ZSCAN18: variants seen among roughly 807,000 people sequenced by gnomAD.
The protein encoded by ZSCAN18 is zinc finger and SCAN domain-containing protein 18.
Under a neutral mutation model 31.1 loss-of-function variants are expected in ZSCAN18, and 16 were observed. That is an observed-to-expected ratio of 0.51 (90% CI 0.35 to 0.78). ZSCAN18 has a LOEUF of 0.78. Among genes scored for constraint, ZSCAN18 ranks in the 30% least tolerant of loss-of-function variants. The probability of loss-of-function intolerance (pLI) is 0.01; values close to 1 mark genes in which losing one functional copy is unlikely to be tolerated. For missense variants in ZSCAN18, 731 were observed against 697.4 expected (o/e 1.05, Z -0.54); for synonymous variants, 375 against 320.7 (o/e 1.17, Z -1.81).
intron 3 of ZSCAN18, chr19:58,088,424 C>T (rs777578500): frequency 7.5e-5 from 31 of 415,534 alleles, no homozygotes; most frequent in Admixed American, 1.8e-4. Context: ...GGTTCATGGT[C>T]GGGGGTTGGG....
At chr19:58,105,681 A>G (rs1331008171) in intron 1 of ZSCAN18, among the ~76,000 whole-genome samples, 1 of 150,578 alleles carries the variant, frequency 6.6e-6, no homozygotes, top group Non-Finnish European at 1.5e-5. Context: ...AAAATAAAAA[A>G]GAAGAATGCA....
At chr19:58,098,713 G>A (rs1207249916), upstream of ZSCAN18, among the ~76,000 whole-genome samples, 6 of 152,160 alleles carry the variant, frequency 3.9e-5, no homozygotes, top group African/African-American at 1.4e-4. Context: ...AGAAAAGAAA[G>A]AGACCAGCTC....
chr19:58,105,242 A>G (rs1306121659), intron 1 of ZSCAN18, among the ~76,000 whole-genome samples: 1 of 152,202 alleles, frequency 6.6e-6, no homozygotes, highest in Non-Finnish European at 1.5e-5. Context: ...ATGGCTGCTC[A>G]CTGACAAGAG....
chr19:58,117,883 G>A (rs905924108), intron 1 of ZSCAN18, among the ~76,000 whole-genome samples: 1 of 152,126 alleles, frequency 6.6e-6, no homozygotes, highest in Non-Finnish European at 1.5e-5. Context: ...TGCTCCACAG[G>A]GCGAAGGGAG....
chr19:58,084,909 C>T lies in ZSCAN18; in HGVS notation c.1309G>A (p.Gly437Ser), dbSNP rs878996244. The change falls in exon 7 of 7, where the codon GGC (glycine) becomes AGC (serine). Residue 437 changes from glycine to serine, a missense_variant. Coordinates refer to ENST00000601144, the MANE Select transcript of ZSCAN18 (RefSeq NM_001145543.2). The surrounding 1 kb of genome is among the most constrained non-coding windows in gnomAD (Gnocchi z 4.5). Reference protein sequence around the residue: ...HLMEHHSSHGGRKRYACQGCW... With the variant: ...HLMEHHSSHGSRKRYACQGCW... ...CCCTGACAGGCGTAGCGCTTCCGGC[C>T]GCCATGGCTGCTGTGGTGCTCCATC... is the stretch of plus-strand genomic sequence containing the variant. 6.3e-6 allele frequency: 10 copies of T among 1,594,060 alleles called. No individual in the cohort carries two copies. In the Admixed American group the frequency reaches 1.6e-4, roughly 25 times the overall value.
At chr19:58,099,084 G>A (rs544541700), upstream of ZSCAN18, among the ~76,000 whole-genome samples, 1 of 152,250 alleles carries the variant, frequency 6.6e-6, no homozygotes, top group East Asian at 1.9e-4. Context: ...CATTTTGGTC[G>A]TTTTTGTGTG....
In ZSCAN18 at chr19:58,084,279, C is replaced by T. The variant is rs1161802561; in HGVS notation, c.*406G>A. On this transcript the variant is annotated 3_prime_UTR_variant, in exon 7 of 7. Coordinates refer to ENST00000601144, the MANE Select transcript of ZSCAN18 (RefSeq NM_001145543.2). The surrounding 1 kb of genome is among the most constrained non-coding windows in gnomAD (Gnocchi z 4.5). ...AAAGGCTAAACAGCTGACAAAATTT[C>T]CACTTGAGCAACCCTGGGGAGCGCA... 2 of 172,418 alleles carry T rather than the reference C, an allele frequency of 1.2e-5. No individual in the cohort carries two copies. The highest frequency in any genetic ancestry group is 4.7e-5 in the African/African-American group (2 of 42,228). The allele number at this position is 172,418 out of a possible 1,614,324, so 10.7% of individuals were successfully genotyped here.
chr19:58,095,290 CTG>C lies in ZSCAN18; in HGVS notation c.-120+2882_-120+2883del, dbSNP rs554904433. Among the ~76,000 whole-genome samples the C allele has an allele frequency of 1.6e-4, 25 of 152,340 alleles. No individual in the cohort carries two copies. In the East Asian group the frequency reaches 4.8e-3, roughly 29 times the overall value. On this transcript the variant is annotated intron_variant, in intron 1 of 6. Coordinates refer to ENST00000601144, the MANE Select transcript of ZSCAN18 (RefSeq NM_001145543.2). ...AGAGAACCTGTCTCCACAAAACAAA[CTG>C]TGAGCTCCATAATGTGTGTGCACAG...
At chr19:58,096,497 G>A (rs1397865616) in intron 1 of ZSCAN18, among the ~76,000 whole-genome samples, 1 of 152,244 alleles carries the variant, frequency 6.6e-6, no homozygotes, top group Admixed American at 6.5e-5. Context: ...CTCCACGGTG[G>A]GTGAGGGGTG....
chr19:58,096,756 C>T (rs1417347955), intron 1 of ZSCAN18, among the ~76,000 whole-genome samples: 1 of 152,186 alleles, frequency 6.6e-6, no homozygotes, highest in Non-Finnish European at 1.5e-5. Context: ...GTTGATGGGT[C>T]GCCGGATATT....
In ZSCAN18 at chr19:58,087,389, T is replaced by C. The variant is rs778168255; in HGVS notation, c.569A>G (p.Asp190Gly). The C allele has an allele frequency of 1.3e-5, 21 of 1,600,544 alleles. No individual in the cohort carries two copies. The highest frequency in any genetic ancestry group is 1.6e-5 in the Non-Finnish European group (19 of 1,173,246). ...CCTCCTCTGTTCCAGAAACAGGGGG[T>C]CCGGAGAAAGCCAGGCTGGGGAGAA... Reference protein sequence around the residue: ...APSETPWLSPDPLFLEQRRVR... With the variant: ...APSETPWLSPGPLFLEQRRVR... Residue 190 changes from aspartate (D) to glycine (G), a missense_variant, in exon 4 of 7, where the codon GAC becomes GGC. Physicochemically the swap from Asp to Gly is moderately conservative, Grantham distance 94. Around this residue, in one of 4 missense-constraint regions of ZSCAN18, gnomAD observed 597 missense variants for 499.5 expected, o/e 1.20. Transcript: ENST00000601144.
intron 1 of ZSCAN18, among the ~76,000 whole-genome samples, chr19:58,091,296 G>A (rs970080364): frequency 3.3e-5 from 5 of 151,800 alleles, no homozygotes; most frequent in Middle Eastern, 3.4e-3. Flanking sequence ...TAGATTATAG[G>A]GATGTCAATT....
chr19:58,086,694 T>C, intron 5 of ZSCAN18: 1 of 548,748 alleles, frequency 1.8e-6, no homozygotes. Context: ...GAGGCTTCAG[T>C]CCTACAGGCA....
chr19:58,112,950 C>CAAAA (rs55721042), intron 1 of ZSCAN18, among the ~76,000 whole-genome samples: 1,031 of 69,452 alleles, frequency 0.015, 80 homozygotes, highest in African/African-American at 0.055. Flanking sequence ...GGCTCCGTTT[C>CAAAA]AAAAAAAAAA....
Position 58,090,076 on chromosome 19 carries a change from G to A in ZSCAN18, c.192C>T (p.His64=), listed in dbSNP as rs760536669. ...GCTCATGCAGCCGGGCCAGGGTCTG[G>A]TGGGGCCCGGCAGCCTCCTGGTAGA... ...EFVYQEAAGP[H]QTLARLHELC... The change falls in exon 2 of 7, where the codon CAC becomes CAT. Residue 64 remains histidine (H), a synonymous_variant. Transcript: ENST00000601144. This position sits in a 1 kb window ranked among gnomAD's most constrained non-coding sequence, Gnocchi z 4.7. The A allele has an allele frequency of 2.7e-5, 44 of 1,613,820 alleles. 1 individual carries two copies. The Middle Eastern group carries it at 8.3e-4, about 30-fold the overall frequency.
chr19:58,096,507 G>A (rs186066036), intron 1 of ZSCAN18, among the ~76,000 whole-genome samples: 35 of 152,352 alleles, frequency 2.3e-4, no homozygotes, highest in Admixed American at 2.1e-3. Context: ...GGTGAGGGGT[G>A]GCTGAGCTGA....
In ZSCAN18 at chr19:58,089,854, T is replaced by G. The variant is rs2547354; in HGVS notation, c.403+11A>C. On this transcript the variant is annotated intron_variant, in intron 2 of 6. Coordinates refer to ENST00000601144, the MANE Select transcript of ZSCAN18 (RefSeq NM_001145543.2). Reference sequence around the variant, plus strand: ...TCCTCTGAGCCATGCTTCTCCTCTGTGACAGCCCACCTGGCTCTTCCAGGA... The same window carrying G: ...TCCTCTGAGCCATGCTTCTCCTCTGGGACAGCCCACCTGGCTCTTCCAGGA... 6.3e-7 allele frequency: 1 copy of G among 1,598,890 alleles called. No individual in the cohort carries two copies.
At chr19:58,087,242 G>A in intron 4 of ZSCAN18, 74 bp downstream of exon 4, 1 of 1,444,546 alleles carries the variant, frequency 6.9e-7, no homozygotes, top group Non-Finnish European at 9.5e-7. Context: ...CCTCTGCTGA[G>A]CACTGGTGAT....
At chr19:58,086,686 G>A in intron 5 of ZSCAN18, 1 of 523,700 alleles carries the variant, frequency 1.9e-6, no homozygotes, top group Non-Finnish European at 3.3e-6. Flanking sequence ...CAAATTCCGA[G>A]GCTTCAGTCC....
Sources: allele counts gnomAD v4.1 joint callset (sites outside exome capture counted in the v4.1 genomes callset), GRCh38; gene constraint gnomAD v4.1.1; regional missense constraint gnomAD v4.1.1; non-coding constraint Gnocchi (gnomAD v3.1); transcripts MANE v1.5; gene names NCBI Gene and HGNC (gene_info 2026-07-23, HGNC 2026-07-21).